Variants in VPS29 observed in about 807,000 individuals in gnomAD.
VPS29 encodes the protein VPS29 retromer complex component.
In VPS29, 2 loss-of-function variants were observed where a neutral mutation model predicts 20.0. The observed-to-expected ratio is 0.10, with a 90% confidence interval of 0.04 to 0.31. VPS29 has a LOEUF of 0.31. VPS29 is among the 10% of genes least tolerant of loss of function. The pLI, the probability that VPS29 is intolerant of heterozygous loss-of-function variation, is 1.00. For missense variants in VPS29, 120 were observed against 215.3 expected (o/e 0.56, Z 2.77); for synonymous variants, 81 against 79.3 (o/e 1.02, Z -0.12).
Position 110,492,042 on chromosome 12 carries a change from T to A in VPS29, c.512A>T (p.Asp171Val). The change falls in exon 4 of 4, where the codon GAT becomes GTT. Residue 171 changes from aspartate (D) to valine (V), a missense_variant. By Grantham distance (152) the Asp-to-Val change is radical. Coordinates refer to ENST00000549578, the MANE Select transcript of VPS29 (RefSeq NM_016226.5). The stretch of plus-strand genomic sequence containing the variant: ...GTATTCGATTCGTTCTACTTTCACA[T>A]CATCTCCAATTAGCTGATACACATA... ...VTYVYQLIGDDVKVERIEYKK... is the reference protein window; with the variant it reads ...VTYVYQLIGDVVKVERIEYKK... 6.2e-7 allele frequency: 1 copy of A among 1,613,918 alleles called. No homozygotes were observed. The highest frequency in any genetic ancestry group is 1.1e-5 in the South Asian group (1 of 91,070).
chr12:110,501,325 T>G, intron 1 of VPS29: 1 of 1,505,310 alleles, frequency 6.6e-7, no homozygotes, highest in South Asian at 1.2e-5. Context: ...TAGGTAAGTC[T>G]CCAACACCGG....
chr12:110,496,596 T>A (rs1306640349), intron 1 of VPS29: 3 of 155,468 alleles, frequency 1.9e-5, no homozygotes, highest in Admixed American at 1.3e-4. Context: ...CACTGAATTT[T>A]AAAAATTACA....
intron 2 of VPS29, 131 bp from the exon 3 acceptor site, chr12:110,493,362 A>ATTTTTT (rs1174705851): frequency 8.6e-6 from 4 of 467,798 alleles, no homozygotes; most frequent in African/African-American, 6.4e-5. Flanking sequence ...ACATTTATAC[A>ATTTTTT]TTTTTTTTTT....
At chr12:110,499,241 T>A in intron 1 of VPS29, 1 of 299,826 alleles carries the variant, frequency 3.3e-6, no homozygotes. Context: ...GGTTTCCTGC[T>A]GATGACAAAG....
chr12:110,495,917 C>A, intron 2 of VPS29, 95 bp downstream of exon 2: 12 of 1,156,990 alleles, frequency 1.0e-5, no homozygotes, highest in East Asian at 5.3e-5. Context: ...AAAAAAAAAC[C>A]TTACCAGTTG....
intron 3 of VPS29, 50 bp downstream of exon 3, chr12:110,492,946 T>G (rs1165017477): frequency 6.7e-7 from 1 of 1,492,004 alleles, no homozygotes; most frequent in Non-Finnish European, 9.2e-7. Flanking sequence ...ATGTCACACA[T>G]GCAATTATTT....
At chr12:110,499,585 TG>T in intron 1 of VPS29, 1 of 1,490,378 alleles carries the variant, frequency 6.7e-7, no homozygotes, top group East Asian at 2.3e-5. Context: ...ACAGGGGGGA[TG>T]AAAAAAAAAG....
intron 3 of VPS29, 58 bp downstream of exon 3, chr12:110,492,938 G>A (rs2062841476): frequency 1.4e-6 from 2 of 1,451,152 alleles, no homozygotes; most frequent in East Asian, 2.3e-5. Flanking sequence ...TTTACGAAAT[G>A]TCACACATGC....
chr12:110,493,508 C>T (rs994078347), intron 2 of VPS29, among the ~76,000 whole-genome samples: 4 of 151,850 alleles, frequency 2.6e-5, no homozygotes, highest in Non-Finnish European at 2.9e-5. Context: ...TACAGGCACC[C>T]GCCACCACGC....
At position 110,491,977 on chromosome 12, in the gene VPS29, A is replaced by C. The variant is rs762506826; in HGVS notation, c.*28T>G. 10 of 1,580,802 alleles carry C rather than the reference A, an allele frequency of 6.3e-6. No homozygotes were observed. Among genetic ancestry groups the C allele is most frequent in the South Asian group, 3.4e-5 (3 of 88,396 alleles). On this transcript the variant is annotated 3_prime_UTR_variant, in exon 4 of 4. Coordinates refer to ENST00000549578, the MANE Select transcript of VPS29 (RefSeq NM_016226.5). ...GATTTCAACAGGACAATGAAAAAAA[A>C]CCAAAAATCATCAAGACAGGCCTGG... is the stretch of plus-strand genomic sequence containing the variant.
At chr12:110,493,394 A>C (rs1394918148) in intron 2 of VPS29, among the ~76,000 whole-genome samples, 163 bp from the exon 3 acceptor site, 3 of 148,122 alleles carry the variant, frequency 2.0e-5, no homozygotes, top group African/African-American at 7.6e-5. Flanking sequence ...GAGTGTTGCT[A>C]TGTTGCCCAG....
At chr12:110,495,893 A>G (rs1311901074) in intron 2 of VPS29, 119 bp downstream of exon 2, 2 of 936,660 alleles carry the variant, frequency 2.1e-6, no homozygotes, top group Non-Finnish European at 3.0e-6. Context: ...CATTTGGAAA[A>G]GAAAAAGGGA....
At chr12:110,494,716 G>C (rs1052384873) in intron 2 of VPS29, among the ~76,000 whole-genome samples, 1 of 151,380 alleles carries the variant, frequency 6.6e-6, no homozygotes, top group Admixed American at 6.6e-5. Context: ...GGGAACTCCA[G>C]AACTCCTTAC....
intron 1 of VPS29, among the ~76,000 whole-genome samples, chr12:110,498,181 A>G (rs2062939346): frequency 1.3e-5 from 2 of 152,058 alleles, no homozygotes; most frequent in Non-Finnish European, 2.9e-5. Flanking sequence ...CGTGTTGGCC[A>G]GGCTGGTCTC....
chr12:110,501,876 C>T (rs980646318), intron 1 of VPS29, 173 bp downstream of exon 1: 25 of 1,471,142 alleles, frequency 1.7e-5, no homozygotes, highest in Admixed American at 3.9e-5. Context: ...CAGAGGTGGC[C>T]GCTCCCTTCC....
chr12:110,501,995 A>G (rs946809593), intron 1 of VPS29, 54 bp downstream of exon 1: 2 of 1,612,516 alleles, frequency 1.2e-6, no homozygotes, highest in African/African-American at 2.7e-5. Flanking sequence ...GCTCCCAACA[A>G]CGCAGCACCC....
intron 1 of VPS29, among the ~76,000 whole-genome samples, chr12:110,497,651 G>A (rs1033176668): frequency 2.0e-4 from 30 of 151,970 alleles, no homozygotes; most frequent in South Asian, 4.2e-4. Flanking sequence ...AGCACTTTGG[G>A]AGGCCGAGGT....
intron 3 of VPS29, 96 bp downstream of exon 3, chr12:110,492,900 A>G: frequency 8.8e-7 from 1 of 1,133,804 alleles, no homozygotes; most frequent in Non-Finnish European, 1.2e-6. Flanking sequence ...TATTACAGGC[A>G]TGAGCCACTG....
At chr12:110,500,672 G>A (rs2062999054) in intron 1 of VPS29, among the ~76,000 whole-genome samples, 1 of 151,878 alleles carries the variant, frequency 6.6e-6, no homozygotes, top group African/African-American at 2.4e-5. Context: ...ATAAATGCCT[G>A]TCAGAGGTAG....
Sources: allele counts gnomAD v4.1 joint callset (sites outside exome capture counted in the v4.1 genomes callset), GRCh38; gene constraint gnomAD v4.1.1; transcripts MANE v1.5; gene names NCBI Gene and HGNC (gene_info 2026-07-23, HGNC 2026-07-21).